The following PDSS2 variants were observed in gnomAD, a reference collection of about 807,000 sequenced individuals.
PDSS2 encodes decaprenyl diphosphate synthase subunit 2.
PDSS2 carries 31 observed loss-of-function variants against 44.5 expected under a neutral mutation model. The observed-to-expected ratio is 0.70, with a 90% CI of 0.52 to 0.94. The LOEUF (loss-of-function observed/expected upper bound fraction) is 0.94, where lower values mean the gene tolerates loss of function less well. Ranked by LOEUF, PDSS2 falls within the 40% of genes least tolerant of loss-of-function variation. The probability of loss-of-function intolerance (pLI) is 0.00; values close to 1 mark genes in which losing one functional copy is unlikely to be tolerated. For missense variants in PDSS2, 452 were observed against 482.2 expected, an observed-to-expected ratio of 0.94 and a Z score of 0.59; for synonymous variants, 157 against 180.3, an observed-to-expected ratio of 0.87 and a Z score of 1.03.
At chr6:107,262,820 G>A (rs930370657) in intron 3 of PDSS2, among the ~76,000 whole-genome samples, 5 of 151,900 alleles carry the variant, frequency 3.3e-5, no homozygotes, top group Non-Finnish European at 7.4e-5. Context: ...AGTGGCTTAC[G>A]CCTGTCATCT....
chr6:107,420,680 TC>T (rs1431450010), intron 1 of PDSS2, among the ~76,000 whole-genome samples: 7 of 151,890 alleles, frequency 4.6e-5, no homozygotes, highest in African/African-American at 7.3e-5. Flanking sequence ...CATACAAAGA[TC>T]AATGCAAAAA....
chr6:107,388,560 T>G (rs1191613557), intron 1 of PDSS2, among the ~76,000 whole-genome samples: 1 of 151,672 alleles, frequency 6.6e-6, no homozygotes, highest in South Asian at 2.1e-4. Flanking sequence ...GCCATTCTCC[T>G]GCCTCAGCCT....
At chr6:107,449,669 C>T (rs907351990) in intron 1 of PDSS2, among the ~76,000 whole-genome samples, 1 of 152,178 alleles carries the variant, frequency 6.6e-6, no homozygotes, top group Non-Finnish European at 1.5e-5. Context: ...TGGGCTCAAA[C>T]GATCCTCCCA....
At chr6:107,282,070 T>C (rs1775979691) in intron 2 of PDSS2, among the ~76,000 whole-genome samples, 1 of 152,102 alleles carries the variant, frequency 6.6e-6, no homozygotes, top group African/African-American at 2.4e-5. Context: ...AATACCTGGC[T>C]AATTTTTGTA....
intron 7 of PDSS2, among the ~76,000 whole-genome samples, chr6:107,191,593 G>A (rs909899974): frequency 1.3e-5 from 2 of 152,074 alleles, no homozygotes; most frequent in Non-Finnish European, 2.9e-5. Flanking sequence ...GGGTGATAAC[G>A]ACGCACCAAT....
At chr6:107,381,515 A>T (rs1188948866) in intron 1 of PDSS2, among the ~76,000 whole-genome samples, 3 of 152,170 alleles carry the variant, frequency 2.0e-5, no homozygotes, top group East Asian at 1.9e-4. Context: ...GAAGCATTAA[A>T]TTCATTAGGT....
intron 1 of PDSS2, among the ~76,000 whole-genome samples, chr6:107,373,433 T>C (rs1242224726): frequency 6.6e-6 from 1 of 152,214 alleles, no homozygotes; most frequent in Admixed American, 6.5e-5. Context: ...TTTTATACTA[T>C]TATGATTAAT....
chr6:107,193,820 A>T lies in PDSS2; in HGVS notation c.1041+2T>A. 1 of 1,542,264 alleles carries T rather than the reference A, an allele frequency of 6.5e-7. No individual in the cohort carries two copies. The highest frequency in any genetic ancestry group is 9.0e-7 in the Non-Finnish European group (1 of 1,114,444). ...AGTACAGTATGTATAAAATCTGCCT[A>T]CCTTAGCATAGTCCAATCTTCCTTT... is the stretch of plus-strand genomic sequence containing the variant. On this transcript the variant is annotated splice_donor_variant, in intron 7 of 7. Coordinates refer to ENST00000369037, the MANE Select transcript of PDSS2 (RefSeq NM_020381.4). LOFTEE classifies it high-confidence loss of function.
At chr6:107,273,517 A>C (rs1265122430) in intron 3 of PDSS2, among the ~76,000 whole-genome samples, 1 of 152,166 alleles carries the variant, frequency 6.6e-6, no homozygotes, top group African/African-American at 2.4e-5. Context: ...TATTATATCT[A>C]AGTGACTGGA....
rs183518880 is a variant in PDSS2 at position 107,376,891 on chromosome 6, G to C, written c.297-42559C>G. ...ACACCTTATACAAAAATTAATTCAA[G>C]ATGGATTAAAGACTTAAATGTTAGA... is the stretch of plus-strand genomic sequence containing the variant. On this transcript the variant is annotated intron_variant, in intron 1 of 7. Coordinates refer to ENST00000369037, the MANE Select transcript of PDSS2 (RefSeq NM_020381.4). Among the ~76,000 whole-genome samples, 457 of 152,116 alleles carry C rather than the reference G, an allele frequency of 3.0e-3. 3 individuals are homozygous for C. The highest frequency in any genetic ancestry group is 0.01 in the African/African-American group (422 of 41,480).
intron 2 of PDSS2, among the ~76,000 whole-genome samples, chr6:107,277,723 C>T (rs764328312): frequency 5.9e-5 from 9 of 152,018 alleles, no homozygotes; most frequent in Non-Finnish European, 1.0e-4. Context: ...GAGGCCAAGG[C>T]GGGTGGATCA....
intron 3 of PDSS2, chr6:107,264,336 G>T: frequency 6.7e-7 from 1 of 1,483,292 alleles, no homozygotes; most frequent in Non-Finnish European, 9.0e-7. Flanking sequence ...AAATACATCA[G>T]CTATGTAAAG....
At chr6:107,405,412 G>C (rs1780279864) in intron 1 of PDSS2, among the ~76,000 whole-genome samples, 1 of 150,692 alleles carries the variant, frequency 6.6e-6, no homozygotes, top group Non-Finnish European at 1.5e-5. Flanking sequence ...GAACACAACA[G>C]AACACAAAAC....
rs1554245086 is a variant in PDSS2 at position 107,154,295 on chromosome 6, G to GC, written c.*323dup. On this transcript the variant is annotated 3_prime_UTR_variant, in exon 8 of 8. Coordinates refer to ENST00000369037, the MANE Select transcript of PDSS2 (RefSeq NM_020381.4). ...AAAAACCACAGGCCACCGCCCTGGCGCCATCCCTGGCTCGGTCCAATCAAT... is the reference window on the plus strand; with the variant it reads ...AAAAACCACAGGCCACCGCCCTGGCGCCCATCCCTGGCTCGGTCCAATCAAT... The GC allele has an allele frequency of 1.4e-5, 5 of 347,816 alleles. No homozygotes were observed. The highest frequency in any genetic ancestry group is 2.8e-5 in the Non-Finnish European group (5 of 181,558). The allele number at this position is 347,816 out of a possible 1,614,324, so 21.5% of individuals were successfully genotyped here.
intron 4 of PDSS2, among the ~76,000 whole-genome samples, chr6:107,226,201 C>G (rs912972970): frequency 6.6e-6 from 1 of 152,020 alleles, no homozygotes; most frequent in Non-Finnish European, 1.5e-5. Flanking sequence ...CCCAGCTACT[C>G]GGGAGGCTGA....
Position 107,152,979 on chromosome 6 carries a change from T to A in PDSS2, c.*1640A>T, listed in dbSNP as rs1554244765. ...CTATAGGCCTCAAATTATGGTGGCA[T>A]AAACTGTACAATTATGATATTTTGA... On this transcript the variant is annotated 3_prime_UTR_variant, in exon 8 of 8. Transcript: ENST00000369037. The A allele has an allele frequency of 6.6e-6, 1 of 152,376 alleles. No individual in the cohort carries two copies. Among genetic ancestry groups the A allele is most frequent in the Non-Finnish European group, 1.5e-5 (1 of 68,044 alleles). The allele number at this position is 152,376 out of a possible 1,614,324, so 9.4% of individuals were successfully genotyped here. A position where few individuals can be genotyped will look rare whatever the true frequency, so the allele number is the denominator to read the frequency against.
At chr6:107,452,987 C>T (rs999162003) in intron 1 of PDSS2, among the ~76,000 whole-genome samples, 2 of 151,906 alleles carry the variant, frequency 1.3e-5, no homozygotes, top group Admixed American at 6.6e-5. Flanking sequence ...TTATGGAGTC[C>T]AATTATTGTT....
chr6:107,333,324 C>A (rs1777770682), intron 2 of PDSS2, among the ~76,000 whole-genome samples: 1 of 152,056 alleles, frequency 6.6e-6, no homozygotes, highest in South Asian at 2.1e-4. Flanking sequence ...CATACTGTTA[C>A]TAAAAATATA....
Position 107,406,089 on chromosome 6 carries a change from A to C in PDSS2, c.296+52901T>G, listed in dbSNP as rs564404191. ...TTTAATAAAACAAAATCAGTAAACT[A>C]CTGATCTATCTCAGCTTTATCAATT... On this transcript the variant is annotated intron_variant, in intron 1 of 7. Coordinates refer to ENST00000369037, the MANE Select transcript of PDSS2 (RefSeq NM_020381.4). Among the ~76,000 whole-genome samples, 6 of 152,268 alleles carry C rather than the reference A, an allele frequency of 3.9e-5. No homozygotes were observed. In the East Asian group the frequency reaches 1.2e-3, roughly 29 times the overall value.
Sources: allele counts gnomAD v4.1 joint callset (sites outside exome capture counted in the v4.1 genomes callset), GRCh38; gene constraint gnomAD v4.1.1; transcripts MANE v1.5; gene names NCBI Gene and HGNC (gene_info 2026-07-23, HGNC 2026-07-21).